TRAPPC9: variants seen among roughly 807,000 people sequenced by gnomAD.
TRAPPC9 encodes the protein IKK2 binding protein.
A neutral mutation model predicts 124.0 loss-of-function variants in TRAPPC9; 83 were observed. The observed-to-expected ratio is 0.67, with a 90% CI of 0.56 to 0.80. TRAPPC9 has a LOEUF of 0.80. Among genes scored for constraint, TRAPPC9 ranks in the 30% least tolerant of loss-of-function variants. The pLI is 0.00. For missense variants in TRAPPC9, 1,302 were observed against 1,508.3 expected, an observed-to-expected ratio of 0.86 and a Z score of 2.27; for synonymous variants, 638 against 617.5, an observed-to-expected ratio of 1.03 and a Z score of -0.49.
At chr8:139,916,354 T>C (rs1832128854) in intron 19 of TRAPPC9, 1 of 152,236 alleles carries the variant, frequency 6.6e-6, no homozygotes, top group Admixed American at 6.5e-5. Context: ...AATAGCGCTC[T>C]ATAAATAGTG....
intron 19 of TRAPPC9, among the ~76,000 whole-genome samples, chr8:139,942,253 T>G (rs1458554699): frequency 5.3e-5 from 8 of 152,202 alleles, no homozygotes; most frequent in Admixed American, 5.2e-4. Flanking sequence ...GGGTTCTCCC[T>G]CATTTTGGCA....
chr8:139,745,122 G>A (rs907299873), intron 21 of TRAPPC9, among the ~76,000 whole-genome samples: 31 of 152,188 alleles, frequency 2.0e-4, no homozygotes, highest in African/African-American at 7.2e-5. Context: ...CCTTGAGGAC[G>A]GGGTGAAACA....
intron 9 of TRAPPC9, among the ~76,000 whole-genome samples, chr8:140,324,411 T>C (rs566449107): frequency 1.6e-4 from 25 of 152,180 alleles, no homozygotes; most frequent in Non-Finnish European, 2.8e-4. Flanking sequence ...TAAAACCTGA[T>C]AGAAATAAGA....
intron 7 of TRAPPC9, among the ~76,000 whole-genome samples, chr8:140,375,650 A>G (rs183135371): frequency 6.6e-6 from 1 of 152,334 alleles, no homozygotes; most frequent in East Asian, 1.9e-4. Flanking sequence ...GCAAACACTG[A>G]GCATAAGCCT....
At chr8:140,183,880 GA>G (rs2062268294) in intron 17 of TRAPPC9, among the ~76,000 whole-genome samples, 1 of 94,080 alleles carries the variant, frequency 1.1e-5, no homozygotes, top group Non-Finnish European at 2.1e-5. Context: ...AGAAGAAGAA[GA>G]AGAAGAAGAG....
intron 5 of TRAPPC9, among the ~76,000 whole-genome samples, chr8:140,410,879 C>G (rs1302745756): frequency 6.6e-6 from 1 of 150,548 alleles, no homozygotes; most frequent in East Asian, 1.9e-4. Context: ...AAATATAAAA[C>G]AGCAACTCAA....
chr8:140,024,205 C>T (rs1344772651), intron 17 of TRAPPC9, 126 bp from the exon 18 acceptor site: 1 of 1,216,804 alleles, frequency 8.2e-7, no homozygotes, highest in Non-Finnish European at 1.2e-6. Flanking sequence ...AAGTCATCAG[C>T]ATTGGCCGAC....
Position 139,763,985 on chromosome 8 carries a change from A to C in TRAPPC9, c.3056-31783T>G, listed in dbSNP as rs200465558. On this transcript the variant is annotated intron_variant, in intron 21 of 22. Transcript: ENST00000438773. Reference sequence around the variant, plus strand: ...TTGATCTTGGCCTTGTGAAGGTGGAAGTGCTCATTAGATACACGGTAGGTC... The same window carrying C: ...TTGATCTTGGCCTTGTGAAGGTGGACGTGCTCATTAGATACACGGTAGGTC... Among the ~76,000 whole-genome samples, 3 of 152,204 alleles carry C rather than the reference A, an allele frequency of 2.0e-5. No homozygotes were observed. The East Asian group carries it at 5.8e-4, about 29-fold the overall frequency.
rs955889401 is a variant in TRAPPC9, at chr8:140,454,376, C to T, written c.-10-2993G>A. On this transcript the variant is annotated intron_variant, in intron 1 of 22. Coordinates refer to ENST00000438773, the MANE Select transcript of TRAPPC9 (RefSeq NM_001160372.4). ...ATAATCAGCCGGGTGTGGTGGCTCA[C>T]ACCTGTAATCCCAGCACTTTGGGAG... Among the ~76,000 whole-genome samples the T allele has an allele frequency of 6.6e-5, 10 of 152,226 alleles. No individual in the cohort carries two copies. The East Asian group carries it at 1.9e-3, about 29-fold the overall frequency.
chr8:140,329,636 A>AT (rs777067127), intron 9 of TRAPPC9, among the ~76,000 whole-genome samples: 1 of 152,204 alleles, frequency 6.6e-6, no homozygotes, highest in Non-Finnish European at 1.5e-5. Context: ...TGAGGCTGAG[A>AT]TTTTAACCCC....
chr8:140,271,719 T>C (rs961798809), intron 15 of TRAPPC9, among the ~76,000 whole-genome samples: 1 of 152,198 alleles, frequency 6.6e-6, no homozygotes, highest in Non-Finnish European at 1.5e-5. Context: ...CTCTCACCAC[T>C]CTCATCTCAA....
chr8:140,303,392 T>C (rs569737275), intron 10 of TRAPPC9, among the ~76,000 whole-genome samples: 1 of 152,258 alleles, frequency 6.6e-6, no homozygotes, highest in South Asian at 2.1e-4. Flanking sequence ...GGACTTACAG[T>C]GTGTTAATAA....
At chr8:139,980,843 C>T (rs904054375) in intron 19 of TRAPPC9, among the ~76,000 whole-genome samples, 2 of 152,288 alleles carry the variant, frequency 1.3e-5, no homozygotes, top group East Asian at 1.9e-4. Flanking sequence ...CCACCTTCCA[C>T]GCGCTAGGAA....
intron 20 of TRAPPC9, among the ~76,000 whole-genome samples, chr8:139,893,943 G>A (rs1450897260): frequency 2.6e-5 from 4 of 152,224 alleles, no homozygotes; most frequent in Admixed American, 6.5e-5. Context: ...GCCCACAGGG[G>A]CACGGGGCAG....
chr8:140,146,396 C>T (rs1307340995), intron 17 of TRAPPC9, among the ~76,000 whole-genome samples: 1 of 152,226 alleles, frequency 6.6e-6, no homozygotes, highest in Non-Finnish European at 1.5e-5. Context: ...GGTTCCAAGT[C>T]GCATTTGGCC....
In TRAPPC9 at chr8:140,240,501, G is replaced by A. The variant is rs567372382; in HGVS notation, c.2431+12276C>T. 2.6e-5 allele frequency among the ~76,000 whole-genome samples: 4 copies of A among 152,224 alleles called. No homozygotes were observed. In the East Asian group the frequency reaches 5.8e-4, roughly 22 times the overall value. On this transcript the variant is annotated intron_variant, in intron 16 of 22. Coordinates refer to ENST00000438773, the MANE Select transcript of TRAPPC9 (RefSeq NM_001160372.4). ...GTTAAGACCTTCCTGCCTCAACTTC[G>A]GGTGGTTACACTTACCGCCTGCCAT...
intron 19 of TRAPPC9, among the ~76,000 whole-genome samples, chr8:139,970,426 G>T (rs187748793): frequency 1.3e-5 from 2 of 152,288 alleles, no homozygotes; most frequent in Middle Eastern, 3.4e-3. Context: ...GGAAGGAGAG[G>T]ATCAAGGGGA....
Position 139,729,079 on chromosome 8 carries a change from G to A in TRAPPC9, c.*1982C>T, listed in dbSNP as rs888334291. Reference sequence around the variant, plus strand: ...ATCTTGATCTATTGTGCTTTTGAAAGGAAAGTACGTACTCAAGTCCCCGGT... The same window carrying A: ...ATCTTGATCTATTGTGCTTTTGAAAAGAAAGTACGTACTCAAGTCCCCGGT... On this transcript the variant is annotated 3_prime_UTR_variant, in exon 23 of 23. Transcript: ENST00000438773. Among the ~76,000 whole-genome samples, 2 of 152,156 alleles carry A rather than the reference G, an allele frequency of 1.3e-5. No homozygotes were observed. Among genetic ancestry groups the A allele is most frequent in the Non-Finnish European group, 2.9e-5 (2 of 68,028 alleles).
intron 14 of TRAPPC9, among the ~76,000 whole-genome samples, chr8:140,280,085 G>A (rs183580154): frequency 1.2e-3 from 182 of 152,270 alleles, no homozygotes; most frequent in African/African-American, 4.2e-3. Flanking sequence ...CTGTGAGCGC[G>A]TGCCGTGACA....
Sources: allele counts gnomAD v4.1 joint callset (sites outside exome capture counted in the v4.1 genomes callset), GRCh38; gene constraint gnomAD v4.1.1; transcripts MANE v1.5; gene names NCBI Gene and HGNC (gene_info 2026-07-23, HGNC 2026-07-21).